The following SSBP3 variants were observed in gnomAD, a reference collection of about 807,000 sequenced individuals.
SSBP3 encodes single-stranded DNA-binding protein 3.
A neutral mutation model predicts 69.6 loss-of-function variants in SSBP3; 5 were observed. That is an observed-to-expected ratio of 0.07 (90% CI 0.04 to 0.15). The LOEUF is 0.15. SSBP3 is among the 10% of genes least tolerant of loss of function. The pLI is 1.00. For missense variants in SSBP3, 312 were observed against 534.0 expected (o/e 0.58, Z 4.10); for synonymous variants, 196 against 193.4 (o/e 1.01, Z -0.11).
chr1:54,313,720 G>A (rs1646047349), intron 4 of SSBP3, among the ~76,000 whole-genome samples: 1 of 151,918 alleles, frequency 6.6e-6, no homozygotes, highest in African/African-American at 2.4e-5. Flanking sequence ...AGATAGCTAA[G>A]CTTTCCCAAA....
intron 4 of SSBP3, among the ~76,000 whole-genome samples, chr1:54,318,790 T>C (rs563584130): frequency 6.6e-6 from 1 of 152,212 alleles, no homozygotes; most frequent in Admixed American, 6.5e-5. Context: ...ACTACAAAGA[T>C]ATTCCAGACT....
At chr1:54,251,771 T>G in intron 8 of SSBP3, 23 bp downstream of exon 8, 1 of 1,609,034 alleles carries the variant, frequency 6.2e-7, no homozygotes, top group African/African-American at 1.3e-5. Context: ...CCAGCCACCC[T>G]AGGCCCACCC....
intron 4 of SSBP3, among the ~76,000 whole-genome samples, chr1:54,310,297 G>A (rs1218733576): frequency 6.6e-6 from 1 of 152,062 alleles, no homozygotes; most frequent in Non-Finnish European, 1.5e-5. Flanking sequence ...CGCAGGCTCC[G>A]TCACTACCTA....
rs539870228 is a variant in SSBP3, at chr1:54,250,761, A to G, written c.651+855T>C. ...GAATTCCCAAGGTGGAACATCGCGAACGCTCTGCCACGGCTACTATAGGAA... is the reference window on the plus strand; with the variant it reads ...GAATTCCCAAGGTGGAACATCGCGAGCGCTCTGCCACGGCTACTATAGGAA... On this transcript the variant is annotated intron_variant, in intron 9 of 17. Transcript: ENST00000610401. Among the ~76,000 whole-genome samples, 4 of 152,298 alleles carry G rather than the reference A, an allele frequency of 2.6e-5. No individual in the cohort carries two copies. The East Asian group carries it at 7.7e-4, about 29-fold the overall frequency.
At chr1:54,292,959 C>T (rs1303609925) in intron 4 of SSBP3, among the ~76,000 whole-genome samples, 1 of 152,122 alleles carries the variant, frequency 6.6e-6, no homozygotes, top group Admixed American at 6.6e-5. Context: ...TCAGAGGAGA[C>T]TCTTGGAGGA....
chr1:54,305,755 G>C (rs569288968), intron 4 of SSBP3, among the ~76,000 whole-genome samples: 6 of 151,572 alleles, frequency 4.0e-5, no homozygotes, highest in African/African-American at 1.5e-4. Flanking sequence ...ACTGCGTCCG[G>C]CTGAGTTTGG....
rs543978052 is a variant in SSBP3, at chr1:54,274,687, G to A, written c.366+6751C>T. Among the ~76,000 whole-genome samples the A allele has an allele frequency of 5.9e-5, 9 of 152,268 alleles. No individual in the cohort carries two copies. In the South Asian group the frequency reaches 8.3e-4, roughly 14 times the overall value. The stretch of plus-strand genomic sequence containing the variant: ...GCCATGGCCACCTCCAGAGGGGACC[G>A]CAGCTGGACTCCACACTGGCCAGCC... On this transcript the variant is annotated intron_variant, in intron 5 of 17. Coordinates refer to ENST00000610401, the Ensembl canonical transcript of SSBP3.
rs747680453 is a variant in SSBP3 at position 54,294,159 on chromosome 1, AAAAGAAAGAAAGAAAG to A, written c.277-12648_277-12633del. ...CTCCATCTCAAAAAAAAAAAAAAAA[AAAAGAAAGAAAGAAAG>A]AAAGAAAGAAAGAAAGAAAAGAAAA... On this transcript the variant is annotated intron_variant, in intron 4 of 17. Coordinates refer to ENST00000610401, the Ensembl canonical transcript of SSBP3. 8.2e-3 allele frequency among the ~76,000 whole-genome samples: 707 copies of A among 86,082 alleles called. 35 individuals carry two copies. Among genetic ancestry groups the A allele is most frequent in the African/African-American group, 0.021 (521 of 24,406 alleles). The allele number at this position is 86,082 out of a possible 152,430, so 56.5% of individuals were successfully genotyped here.
At chr1:54,267,833 G>A (rs780880479) in intron 5 of SSBP3, among the ~76,000 whole-genome samples, 4 of 152,154 alleles carry the variant, frequency 2.6e-5, no homozygotes, top group Admixed American at 6.5e-5. Flanking sequence ...CCATCTGTGA[G>A]TGGCTCCTTC....
In SSBP3 at chr1:54,242,763, A is replaced by AAC. The variant is rs1644662185; in HGVS notation, c.716+470_716+471dup. 5 of 164,510 alleles carry AAC rather than the reference A, an allele frequency of 3.0e-5. No homozygotes were observed. In the South Asian group the frequency reaches 8.2e-4, roughly 27 times the overall value. 10.2% of individuals were successfully genotyped at this position (164,510 alleles called of 1,614,324 possible). On this transcript the variant is annotated intron_variant, in intron 10 of 17. Coordinates refer to ENST00000610401, the Ensembl canonical transcript of SSBP3. ...TCAGGAGTTCGAGACCACCCTGGCCAACATGGTGAAACCCCGTCTCTACTA... is the reference window on the plus strand; with the variant it reads ...TCAGGAGTTCGAGACCACCCTGGCCAACACATGGTGAAACCCCGTCTCTACTA...
At chr1:54,303,011 CG>C (rs1424958263) in intron 4 of SSBP3, among the ~76,000 whole-genome samples, 4 of 152,182 alleles carry the variant, frequency 2.6e-5, no homozygotes, top group Non-Finnish European at 5.9e-5. Flanking sequence ...GAGACAGACA[CG>C]TGAAACAATT....
intron 4 of SSBP3, among the ~76,000 whole-genome samples, chr1:54,384,670 C>T (rs755178419): frequency 1.1e-4 from 17 of 152,278 alleles, no homozygotes; most frequent in Non-Finnish European, 2.4e-4. Context: ...AGGCAGAGAG[C>T]TGGCCCTTCT....
intron 4 of SSBP3, among the ~76,000 whole-genome samples, chr1:54,336,352 C>G (rs114749387): frequency 6.6e-6 from 1 of 152,170 alleles, no homozygotes; most frequent in African/African-American, 2.4e-5. Context: ...TCAGAGGCCC[C>G]AGCCCCCGAC....
At chr1:54,321,206 C>A (rs1172459811) in intron 4 of SSBP3, among the ~76,000 whole-genome samples, 1 of 152,220 alleles carries the variant, frequency 6.6e-6, no homozygotes, top group Non-Finnish European at 1.5e-5. Flanking sequence ...CCTTGGGGGC[C>A]CAGCCAGGGA....
At chr1:54,288,828 C>G (rs1308209399) in intron 4 of SSBP3, among the ~76,000 whole-genome samples, 1 of 151,882 alleles carries the variant, frequency 6.6e-6, no homozygotes, top group East Asian at 1.9e-4. Context: ...ACCATCCTGG[C>G]TAACACGTGA....
chr1:54,253,039 G>A (rs954880285), intron 7 of SSBP3, among the ~76,000 whole-genome samples: 13 of 152,134 alleles, frequency 8.5e-5, no homozygotes. Context: ...GAAAGCGAAG[G>A]GACAGACTGT....
intron 5 of SSBP3, among the ~76,000 whole-genome samples, chr1:54,275,771 C>T (rs149037727): frequency 6.6e-6 from 1 of 152,318 alleles, no homozygotes; most frequent in Non-Finnish European, 1.5e-5. Flanking sequence ...GAATGTGGGG[C>T]TGAGAGCTCA....
At chr1:54,297,367 C>T (rs996570156) in intron 4 of SSBP3, among the ~76,000 whole-genome samples, 4 of 152,220 alleles carry the variant, frequency 2.6e-5, no homozygotes, top group South Asian at 2.1e-4. Context: ...TGGTGGCTCA[C>T]GCCTGTAATC....
intron 4 of SSBP3, among the ~76,000 whole-genome samples, chr1:54,380,480 G>A (rs1447742652): frequency 6.6e-6 from 1 of 152,222 alleles, no homozygotes; most frequent in Admixed American, 6.5e-5. Flanking sequence ...GCCGACACAT[G>A]CTCCGAGTTA....
Sources: allele counts gnomAD v4.1 joint callset (sites outside exome capture counted in the v4.1 genomes callset), GRCh38; gene constraint gnomAD v4.1.1; transcripts MANE v1.5; gene names NCBI Gene and HGNC (gene_info 2026-07-23, HGNC 2026-07-21).